Variants in NEGR1 observed in about 807,000 individuals in gnomAD.
The protein encoded by NEGR1 is IgLON family member 4.
In NEGR1, 10 loss-of-function variants were observed where a neutral mutation model predicts 40.9. That is an observed-to-expected ratio of 0.24 (90% confidence interval 0.15 to 0.42). The LOEUF is 0.42. Ranked by LOEUF, NEGR1 falls within the 10% of genes least tolerant of loss-of-function variation. NEGR1 has a pLI of 1.00. For missense variants in NEGR1, 352 were observed against 438.9 expected, an observed-to-expected ratio of 0.80 and a Z score of 1.77; for synonymous variants, 185 against 166.8, an observed-to-expected ratio of 1.11 and a Z score of -0.84.
intron 6 of NEGR1, among the ~76,000 whole-genome samples, chr1:71,490,516 G>C (rs1646919871): frequency 6.6e-6 from 1 of 151,932 alleles, no homozygotes; most frequent in Non-Finnish European, 1.5e-5. Context: ...TTCCTTGCTG[G>C]CAGAATTCAC....
intron 6 of NEGR1, among the ~76,000 whole-genome samples, chr1:71,410,783 G>A (rs1646314710): frequency 6.6e-6 from 1 of 152,084 alleles, no homozygotes; most frequent in Admixed American, 6.5e-5. Flanking sequence ...CAGGGCTAAT[G>A]ATACTCAAGT....
chr1:71,423,821 C>A (rs1646412348), intron 6 of NEGR1, among the ~76,000 whole-genome samples: 1 of 149,346 alleles, frequency 6.7e-6, no homozygotes, highest in Non-Finnish European at 1.5e-5. Context: ...TCCTCCTCAC[C>A]CACCCCCCCT....
At chr1:71,448,482 C>T (rs1203091446) in intron 6 of NEGR1, among the ~76,000 whole-genome samples, 1 of 152,056 alleles carries the variant, frequency 6.6e-6, no homozygotes, top group East Asian at 1.9e-4. Context: ...GCCTGTAGTC[C>T]CAGCAACTCA....
At chr1:71,849,359 T>C (rs1659527990) in intron 2 of NEGR1, among the ~76,000 whole-genome samples, 1 of 152,110 alleles carries the variant, frequency 6.6e-6, no homozygotes, top group Non-Finnish European at 1.5e-5. Context: ...GTGCAAATTG[T>C]AAAAGTACTG....
chr1:71,947,793 G>T (rs1286498902), intron 1 of NEGR1, among the ~76,000 whole-genome samples: 1 of 151,890 alleles, frequency 6.6e-6, no homozygotes, highest in Non-Finnish European at 1.5e-5. Flanking sequence ...AAAAAATATG[G>T]AAATTAATGA....
chr1:72,176,873 G>T (rs1652185808), intron 1 of NEGR1, among the ~76,000 whole-genome samples: 1 of 152,020 alleles, frequency 6.6e-6, no homozygotes, highest in South Asian at 2.1e-4. Context: ...TATATTAGTG[G>T]CTACAAAATA....
At chr1:72,085,122 G>A (rs1458043780) in intron 1 of NEGR1, among the ~76,000 whole-genome samples, 5 of 152,124 alleles carry the variant, frequency 3.3e-5, no homozygotes, top group Admixed American at 6.5e-5. Flanking sequence ...GATTACACCA[G>A]ATTATTTTGT....
Position 71,996,080 on chromosome 1 carries a change from T to C in NEGR1, c.177-60769A>G, listed in dbSNP as rs1158199513. Among the ~76,000 whole-genome samples, 3 of 152,112 alleles carry C rather than the reference T, an allele frequency of 2.0e-5. No individual in the cohort carries two copies. The East Asian group carries it at 5.8e-4, about 29-fold the overall frequency. On this transcript the variant is annotated intron_variant, in intron 1 of 6. Coordinates refer to ENST00000357731, the MANE Select transcript of NEGR1 (RefSeq NM_173808.3). ...TAATAGTACACACCACATTGGAAAC[T>C]TCCTGGAGAAAAAAGTATTTTCTGT...
chr1:72,180,886 C>A (rs1025905409), intron 1 of NEGR1, among the ~76,000 whole-genome samples: 5 of 152,094 alleles, frequency 3.3e-5, no homozygotes, highest in African/African-American at 7.2e-5. Flanking sequence ...TGGATCCTTG[C>A]AGCAGTTAGT....
chr1:72,209,528 A>T (rs530427653), intron 1 of NEGR1, among the ~76,000 whole-genome samples: 1 of 151,902 alleles, frequency 6.6e-6, no homozygotes, highest in East Asian at 1.9e-4. Flanking sequence ...CTGAACACCT[A>T]TCCCACTCAT....
At chr1:71,477,876 A>G (rs924045991) in intron 6 of NEGR1, among the ~76,000 whole-genome samples, 1 of 149,898 alleles carries the variant, frequency 6.7e-6, no homozygotes, top group Non-Finnish European at 1.5e-5. Flanking sequence ...TCAGACAACA[A>G]TGCTTCACTC....
chr1:72,227,823 T>C (rs1036136763), intron 1 of NEGR1, among the ~76,000 whole-genome samples: 8 of 152,110 alleles, frequency 5.3e-5, no homozygotes, highest in African/African-American at 1.9e-4. Context: ...AATGCGGTTC[T>C]GGAATTTCAG....
chr1:72,178,564 C>A (rs1265248289), intron 1 of NEGR1, among the ~76,000 whole-genome samples: 3 of 151,722 alleles, frequency 2.0e-5, no homozygotes, highest in African/African-American at 4.8e-5. Flanking sequence ...TATGACATTT[C>A]TTTTTCTCCT....
chr1:71,794,357 C>G (rs776193325), intron 2 of NEGR1: 12 of 152,000 alleles, frequency 7.9e-5, no homozygotes, highest in Non-Finnish European at 1.5e-4. Context: ...ATAACTTATC[C>G]TTTCAAATTC....
At chr1:71,501,272 TGATGA>T (rs1169912547) in intron 6 of NEGR1, among the ~76,000 whole-genome samples, 1 of 152,148 alleles carries the variant, frequency 6.6e-6, no homozygotes, top group Non-Finnish European at 1.5e-5. Flanking sequence ...TATTTCTAAA[TGATGA>T]GATATTTCCT....
chr1:71,583,615 TGCATATCATAAACTAAGTGCTCCC>T (rs1421327853), intron 6 of NEGR1, among the ~76,000 whole-genome samples: 1 of 152,222 alleles, frequency 6.6e-6, no homozygotes, highest in East Asian at 1.9e-4. Flanking sequence ...ACAGTTTGTA[TGCATATCATAAACTAAGTGCTCCC>T]AAGGAGTTAT....
chr1:71,664,801 T>C (rs1652185788), intron 4 of NEGR1, among the ~76,000 whole-genome samples: 2 of 152,170 alleles, frequency 1.3e-5, no homozygotes, highest in Non-Finnish European at 2.9e-5. Context: ...TCTGACACCC[T>C]TTTCCCCTTG....
chr1:71,635,342 C>T (rs1383268623), intron 4 of NEGR1, among the ~76,000 whole-genome samples: 1 of 152,072 alleles, frequency 6.6e-6, no homozygotes, highest in Non-Finnish European at 1.5e-5. Flanking sequence ...AACAATCTAT[C>T]ACTTTGGCTG....
intron 3 of NEGR1, among the ~76,000 whole-genome samples, chr1:71,738,594 T>TATATGTTGCC (rs890354929): frequency 1.4e-4 from 21 of 152,076 alleles, no homozygotes; most frequent in African/African-American, 5.1e-4. Context: ...TAGTAACCCT[T>TATATGTTGCC]ATATGTTGCC....
Sources: gnomAD v4.1 joint callset for allele counts (sites outside exome capture counted in the v4.1 genomes callset) on GRCh38, gnomAD v4.1.1 for gene constraint, MANE v1.5 for transcripts, NCBI Gene and HGNC (gene_info 2026-07-23, HGNC 2026-07-21) for gene names.